ITSN1: variants seen among roughly 807,000 people sequenced by gnomAD.
The protein encoded by ITSN1 is intersectin-1.
ITSN1 carries 58 observed loss-of-function variants against 239.8 expected under a neutral mutation model. That is an observed-to-expected ratio of 0.24 (90% CI 0.20 to 0.30). The LOEUF (loss-of-function observed/expected upper bound fraction) is 0.30. Among genes scored for constraint, ITSN1 ranks in the 10% least tolerant of loss-of-function variants. The probability of loss-of-function intolerance (pLI) is 1.00; values close to 1 mark genes in which losing one functional copy is unlikely to be tolerated. For missense variants in ITSN1, 1,558 were observed against 2,103.3 expected (o/e 0.74, Z 5.07); for synonymous variants, 780 against 770.8 (o/e 1.01, Z -0.20).
At chr21:33,876,103 TTC>T (rs879753845) in intron 34 of ITSN1, among the ~76,000 whole-genome samples, 958 of 19,398 alleles carry the variant, frequency 0.049, 20 homozygotes, top group Non-Finnish European at 0.05. Flanking sequence ...CTTTCTTTCC[TTC>T]TTTCTTTCTT....
At chr21:33,868,443 CAGTCCCG>C in intron 33 of ITSN1, among the ~76,000 whole-genome samples, 1 of 152,234 alleles carries the variant, frequency 6.6e-6, no homozygotes, top group African/African-American at 2.4e-5. Flanking sequence ...TGGCGGGCTG[CAGTCCCG>C]AGCCCTGCCC....
At chr21:33,703,083 C>G (rs866330657) in intron 1 of ITSN1, among the ~76,000 whole-genome samples, 170 of 145,600 alleles carry the variant, frequency 1.2e-3, no homozygotes, top group East Asian at 4.4e-3. Context: ...GAGACTCTGT[C>G]TGTGTGTGTG....
intron 7 of ITSN1, among the ~76,000 whole-genome samples, chr21:33,753,331 A>T (rs76893090): frequency 7.2e-5 from 11 of 152,154 alleles, no homozygotes; most frequent in African/African-American, 2.7e-4. Context: ...ATAGCTACCT[A>T]TGCAGTAGAT....
At chr21:33,766,996 C>T (rs1320887322) in intron 10 of ITSN1, among the ~76,000 whole-genome samples, 2 of 141,174 alleles carry the variant, frequency 1.4e-5, no homozygotes, top group African/African-American at 3.0e-5. Flanking sequence ...GGTGAAACCC[C>T]GTCTCTACTA....
chr21:33,658,386 T>C (rs1209068069), intron 1 of ITSN1, among the ~76,000 whole-genome samples: 3 of 152,318 alleles, frequency 2.0e-5, no homozygotes, highest in Middle Eastern at 6.8e-3. Context: ...CGAGGTGGTA[T>C]AGCCTACTAT....
chr21:33,833,711 C>G (rs940065927), intron 27 of ITSN1, among the ~76,000 whole-genome samples: 1 of 152,016 alleles, frequency 6.6e-6, no homozygotes, highest in Admixed American at 6.5e-5. Flanking sequence ...ACTAAAAATA[C>G]AAAAACAAAA....
intron 16 of ITSN1, among the ~76,000 whole-genome samples, chr21:33,789,577 C>T (rs1403903383): frequency 2.0e-5 from 3 of 152,048 alleles, no homozygotes; most frequent in African/African-American, 7.2e-5. Context: ...TTTCATAGAC[C>T]CCTGTTGCTA....
chr21:33,881,801 G>A (rs1472612194), intron 34 of ITSN1, among the ~76,000 whole-genome samples: 2 of 151,968 alleles, frequency 1.3e-5, no homozygotes, highest in Admixed American at 1.3e-4. Flanking sequence ...GGCAAAGTAG[G>A]GAGACCCCAT....
intron 1 of ITSN1, among the ~76,000 whole-genome samples, chr21:33,659,392 A>T (rs2089361082): frequency 6.6e-6 from 1 of 151,992 alleles, no homozygotes; most frequent in Admixed American, 6.6e-5. Context: ...AGTTAGGGGA[A>T]CCCCTAAATT....
intron 6 of ITSN1, among the ~76,000 whole-genome samples, chr21:33,751,009 A>G (rs951684727): frequency 6.6e-6 from 1 of 152,248 alleles, no homozygotes; most frequent in Non-Finnish European, 1.5e-5. Flanking sequence ...TTTTAGCATC[A>G]TACTTGAAAC....
intron 1 of ITSN1, among the ~76,000 whole-genome samples, chr21:33,699,059 A>G (rs2091907412): frequency 6.6e-6 from 1 of 152,192 alleles, no homozygotes; most frequent in Non-Finnish European, 1.5e-5. Context: ...AATACCTGAA[A>G]CGAAACCCTA....
At chr21:33,760,252 C>T (rs373815240) in intron 8 of ITSN1, among the ~76,000 whole-genome samples, 2 of 152,140 alleles carry the variant, frequency 1.3e-5, no homozygotes, top group African/African-American at 4.8e-5. Context: ...CCAGGTGGAA[C>T]AGCGGACAGG....
chr21:33,670,520 C>T (rs576353612), intron 1 of ITSN1, among the ~76,000 whole-genome samples: 10 of 151,204 alleles, frequency 6.6e-5, no homozygotes, highest in Non-Finnish European at 1.3e-4. Flanking sequence ...AAAATGTAGT[C>T]GGAAGAGTGG....
At chr21:33,876,191 CTCTT>C (rs1983833792) in intron 34 of ITSN1, among the ~76,000 whole-genome samples, 2 of 134,362 alleles carry the variant, frequency 1.5e-5, no homozygotes, top group Non-Finnish European at 3.1e-5. Context: ...CCTTCCTTCT[CTCTT>C]TCTCCTTCCT....
chr21:33,825,401 C>T (rs1337949419), intron 25 of ITSN1, among the ~76,000 whole-genome samples: 5 of 152,104 alleles, frequency 3.3e-5, no homozygotes, highest in Non-Finnish European at 7.4e-5. Context: ...GCAAAATATC[C>T]GACCCAACCT....
At chr21:33,884,089 A>G (rs1204964287) in intron 36 of ITSN1, among the ~76,000 whole-genome samples, 1 of 151,338 alleles carries the variant, frequency 6.6e-6, no homozygotes, top group African/African-American at 2.4e-5. Context: ...TTTTGTAGAG[A>G]TGGGTTCTTG....
chr21:33,752,565 G>A (rs2067629282), intron 7 of ITSN1, among the ~76,000 whole-genome samples: 1 of 152,146 alleles, frequency 6.6e-6, no homozygotes, highest in Non-Finnish European at 1.5e-5. Flanking sequence ...ACATTAAGAA[G>A]AGAAATTAAG....
chr21:33,647,055 A>G (rs939867507), intron 1 of ITSN1, among the ~76,000 whole-genome samples: 3 of 152,286 alleles, frequency 2.0e-5, no homozygotes, highest in African/African-American at 7.2e-5. Flanking sequence ...TAATTGAATG[A>G]CTAGACTAAA....
intron 1 of ITSN1, among the ~76,000 whole-genome samples, chr21:33,671,204 T>A (rs2146377629): frequency 6.6e-6 from 1 of 152,278 alleles, no homozygotes; most frequent in South Asian, 2.1e-4. Context: ...CCCCACGGAT[T>A]TTCACACATC....
Sources: allele counts gnomAD v4.1 joint callset (sites outside exome capture counted in the v4.1 genomes callset), GRCh38; gene constraint gnomAD v4.1.1; transcripts MANE v1.5; gene names NCBI Gene and HGNC (gene_info 2026-07-23, HGNC 2026-07-21).